DST: variants seen among roughly 807,000 people sequenced by gnomAD.
DST encodes bullous pemphigoid antigen.
DST carries 253 observed loss-of-function variants against 875.2 expected under a neutral mutation model. The observed-to-expected ratio is 0.29, with a 90% CI of 0.26 to 0.32. DST has a LOEUF of 0.32. DST is among the 10% of genes least tolerant of loss of function. The pLI, the probability that DST is intolerant of heterozygous loss-of-function variation, is 1.00. For synonymous variants in DST, 3,124 were observed against 3,197.1 expected (o/e 0.98, Z 0.77); for missense variants, 8,287 against 9,111.6 (o/e 0.91, Z 3.68).
At chr6:56,557,199 T>C in intron 59 of DST, 120 bp downstream of exon 59, 1 of 857,382 alleles carries the variant, frequency 1.2e-6, no homozygotes, top group South Asian at 1.7e-5. Flanking sequence ...ATTACATATA[T>C]ACTTCAAAGC....
At chr6:56,842,177 C>T (rs1441992325) in intron 4 of DST, among the ~76,000 whole-genome samples, 1 of 151,950 alleles carries the variant, frequency 6.6e-6, no homozygotes, top group African/African-American at 2.4e-5. Context: ...GTTACCAAAC[C>T]CAAAGCAAAT....
chr6:56,784,794 A>G, intron 4 of DST, among the ~76,000 whole-genome samples: 1 of 152,042 alleles, frequency 6.6e-6, no homozygotes, highest in Non-Finnish European at 1.5e-5. Context: ...GGAGGAGGAG[A>G]GGCGCTCTGC....
At chr6:56,498,805 A>G (rs1029048479) in intron 80 of DST, among the ~76,000 whole-genome samples, 1 of 152,152 alleles carries the variant, frequency 6.6e-6, no homozygotes, top group African/African-American at 2.4e-5. Flanking sequence ...AAATATTGGA[A>G]GGCCCTAAAA....
Position 56,553,186 on chromosome 6 carries a change from C to T in DST, c.15606G>A (p.Glu5202=), listed in dbSNP as rs1241643984. 6.2e-7 allele frequency: 1 copy of T among 1,613,964 alleles called. No homozygotes were observed. The highest frequency in any genetic ancestry group is 1.1e-5 in the South Asian group (1 of 91,082). The change falls in exon 61 of 104, where the codon GAG becomes GAA. Residue 5202 remains glutamate, a synonymous_variant. Coordinates refer to ENST00000680361, the MANE Select transcript of DST (RefSeq NM_001374736.1). ...IKFCLDPAEG[E]NSIAKLKSLQ... ...GAGACTTTAACTTGGCAATAGAATT[C>T]TCTCCTTCAGCAGGATCCAAGCAAA...
intron 61 of DST, among the ~76,000 whole-genome samples, chr6:56,544,657 G>A (rs1453679993): frequency 1.4e-5 from 2 of 142,704 alleles, no homozygotes; most frequent in African/African-American, 2.6e-5. Flanking sequence ...GACACAGTTC[G>A]GAAGTAAACA....
intron 48 of DST, 93 bp from the exon 49 acceptor site, chr6:56,592,451 GA>G (rs199510493): frequency 1.0e-5 from 11 of 1,052,648 alleles, no homozygotes; most frequent in Non-Finnish European, 9.4e-6. Context: ...ATGTAACTTG[GA>G]AAAAAAACCA....
At chr6:56,489,701 G>A (rs1003719630) in intron 85 of DST, 92 bp from the exon 86 acceptor site, 2 of 1,119,480 alleles carry the variant, frequency 1.8e-6, no homozygotes, top group South Asian at 2.6e-5. Context: ...TAATAGTGAT[G>A]AAAATCCTGA....
At chr6:56,615,072 T>C in intron 36 of DST, 1 of 1,020,542 alleles carries the variant, frequency 9.8e-7, no homozygotes, top group South Asian at 3.9e-5. Context: ...TCTAAAACAC[T>C]GCAGCTTGAA....
intron 4 of DST, among the ~76,000 whole-genome samples, chr6:56,821,519 T>C (rs747415982): frequency 1.3e-5 from 2 of 152,224 alleles, no homozygotes; most frequent in Non-Finnish European, 2.9e-5. Context: ...TGAGAATAAC[T>C]GGGCTCCAGC....
At chr6:56,741,436 G>A (rs1465993813) in intron 4 of DST, among the ~76,000 whole-genome samples, 1 of 152,152 alleles carries the variant, frequency 6.6e-6, no homozygotes, top group Admixed American at 6.5e-5. Context: ...CAACTTAAAT[G>A]AGTCCCATTC....
chr6:56,915,606 G>T (rs1800544437), intron 2 of DST, among the ~76,000 whole-genome samples: 1 of 142,216 alleles, frequency 7.0e-6, no homozygotes, highest in Non-Finnish European at 1.5e-5. Context: ...AAAAAGAAAG[G>T]AAAAAAACGT....
intron 4 of DST, among the ~76,000 whole-genome samples, chr6:56,811,225 G>T (rs1273311853): frequency 6.7e-6 from 1 of 149,182 alleles, no homozygotes; most frequent in East Asian, 2.0e-4. Flanking sequence ...AGGATGGGGA[G>T]CATGTTCCCA....
intron 4 of DST, among the ~76,000 whole-genome samples, chr6:56,784,709 C>G (rs1296858218): frequency 1.3e-5 from 2 of 152,194 alleles, no homozygotes; most frequent in East Asian, 3.8e-4. Context: ...TCGTCTGAAG[C>G]CTTCTTCTCT....
rs1368885895 is a variant in DST, at chr6:56,598,058, T to G, written c.11929-52A>C. ...ATTCAGAACGTGGGCCAAGGCATAG[T>G]TTTAAGACATTCCAAAAGTAAATAC... On this transcript the variant is annotated intron_variant, in intron 46 of 103. Transcript: ENST00000680361. The G allele has an allele frequency of 3.4e-6, 5 of 1,462,536 alleles. No homozygotes were observed. The African/African-American group carries it at 7.1e-5, about 21-fold the overall frequency. The allele number at this position is 1,462,536 out of a possible 1,614,324, so 90.6% of individuals were successfully genotyped here.
intron 49 of DST, among the ~76,000 whole-genome samples, chr6:56,589,660 G>T (rs904459095): frequency 6.6e-6 from 1 of 152,214 alleles, no homozygotes; most frequent in African/African-American, 2.4e-5. Flanking sequence ...CAGGCCTTGA[G>T]ACTGGTCCCA....
chr6:56,675,762 G>GA (rs2099125528), intron 9 of DST, among the ~76,000 whole-genome samples: 1 of 152,122 alleles, frequency 6.6e-6, no homozygotes, highest in African/African-American at 2.4e-5. Context: ...TGAGGTAGGG[G>GA]AACCACTTGA....
chr6:56,818,474 A>G (rs2099769292), intron 4 of DST, among the ~76,000 whole-genome samples: 1 of 152,176 alleles, frequency 6.6e-6, no homozygotes, highest in Non-Finnish European at 1.5e-5. Context: ...GACCAAATGG[A>G]GCAACAATCA....
chr6:56,651,497 A>T (rs2098975550), intron 10 of DST, among the ~76,000 whole-genome samples: 1 of 152,170 alleles, frequency 6.6e-6, no homozygotes, highest in Non-Finnish European at 1.5e-5. Flanking sequence ...CAAATATATC[A>T]TAGTCAGAAT....
intron 78 of DST, 30 bp downstream of exon 78, chr6:56,503,967 A>T (rs761721610): frequency 1.4e-6 from 2 of 1,478,826 alleles, no homozygotes; most frequent in South Asian, 2.5e-5. Context: ...ACTGCAAGGG[A>T]GTCTTCGATA....
Sources: gnomAD v4.1 joint callset for allele counts (sites outside exome capture counted in the v4.1 genomes callset) on GRCh38, gnomAD v4.1.1 for gene constraint, MANE v1.5 for transcripts, NCBI Gene and HGNC (gene_info 2026-07-23, HGNC 2026-07-21) for gene names.